Variants in TRIM2 observed in about 807,000 individuals in gnomAD.
TRIM2 encodes the protein tripartite motif containing 2.
A neutral mutation model predicts 75.2 loss-of-function variants in TRIM2; 20 were observed. The observed-to-expected ratio is 0.27, with a 90% confidence interval of 0.19 to 0.39. The LOEUF is 0.39. Among genes scored for constraint, TRIM2 ranks in the 10% least tolerant of loss-of-function variants. The pLI, the probability that TRIM2 is intolerant of heterozygous loss-of-function variation, is 1.00. For missense variants in TRIM2, 660 were observed against 990.8 expected (o/e 0.67, Z 4.48); for synonymous variants, 373 against 388.3 (o/e 0.96, Z 0.46).
At chr4:153,161,722 A>G (rs1388804238) in intron 1 of TRIM2, among the ~76,000 whole-genome samples, 1 of 152,226 alleles carries the variant, frequency 6.6e-6, no homozygotes, top group Non-Finnish European at 1.5e-5. Context: ...AGGCAGGTCC[A>G]ACAAATTTCC....
At chr4:153,301,045 G>T (rs1056090327) in intron 6 of TRIM2, among the ~76,000 whole-genome samples, 1 of 151,968 alleles carries the variant, frequency 6.6e-6, no homozygotes, top group Non-Finnish European at 1.5e-5. Context: ...ACAAAAATTA[G>T]CCAGGTGTGG....
chr4:153,166,741 A>T (rs1008708939), intron 1 of TRIM2, among the ~76,000 whole-genome samples: 1 of 152,064 alleles, frequency 6.6e-6, no homozygotes, highest in Non-Finnish European at 1.5e-5. Flanking sequence ...GGGACCATTT[A>T]GTTTCTTCTA....
chr4:153,178,381 C>T (rs1424483699), intron 1 of TRIM2, among the ~76,000 whole-genome samples: 3 of 152,074 alleles, frequency 2.0e-5, no homozygotes, highest in Non-Finnish European at 2.9e-5. Context: ...AAGGTTAATC[C>T]CTCACGTGGC....
Position 153,328,868 on chromosome 4 carries a change from G to T in TRIM2, c.2163+198G>T, listed in dbSNP as rs112208107. On this transcript the variant is annotated intron_variant, in intron 11 of 11. Transcript: ENST00000338700. ...CCAGACTGAAACCCTCTAAATTGGG[G>T]TTTTAATATGGACCCCACAGACCCC... Among the ~76,000 whole-genome samples, 287 of 152,210 alleles carry T rather than the reference G, an allele frequency of 1.9e-3. 2 individuals carry two copies. The highest frequency in any genetic ancestry group is 6.3e-3 in the African/African-American group (262 of 41,534).
intron 1 of TRIM2, among the ~76,000 whole-genome samples, chr4:153,175,007 G>GT (rs1365938837): frequency 7.9e-5 from 8 of 101,692 alleles, no homozygotes; most frequent in South Asian, 5.8e-4. Flanking sequence ...TTTTGTTTTT[G>GT]TTTTGTTTTG....
In TRIM2 at chr4:153,322,661, C is replaced by T; in HGVS notation, c.1796C>T (p.Ser599Leu). The change falls in exon 9 of 12, where the codon TCA (serine) becomes TTA (leucine). Residue 599 changes from serine (S) to leucine (L), a missense_variant. Ser to Leu is a moderately radical substitution (Grantham distance 145, BLOSUM62 -2). This residue lies in a region of TRIM2 where 620 missense variants were observed against 891.0 expected (regional missense o/e 0.70). Coordinates refer to ENST00000338700, the MANE Select transcript of TRIM2 (RefSeq NM_015271.5). The stretch of plus-strand genomic sequence containing the variant: ...TGTTTCAAACAGACAAAAATTGGAT[C>T]AGGAAAGCTGATGGGACCCAAAGGA... ...SDGKFKTKIGSGKLMGPKGVS... is the reference protein window; with the variant it reads ...SDGKFKTKIGLGKLMGPKGVS... The T allele has an allele frequency of 6.2e-7, 1 of 1,613,536 alleles. No individual in the cohort carries two copies. The highest frequency in any genetic ancestry group is 8.5e-7 in the Non-Finnish European group (1 of 1,179,644).
intron 1 of TRIM2, among the ~76,000 whole-genome samples, chr4:153,266,404 G>A (rs9995559): frequency 0.21 from 30,439 of 147,652 alleles, 3,498 homozygotes; most frequent in African/African-American, 0.31. Context: ...GTGCAGTGGC[G>A]TGATCTCGGC....
intron 1 of TRIM2, chr4:153,257,357 C>T (rs1196541058): frequency 3.5e-5 from 38 of 1,093,812 alleles, no homozygotes; most frequent in Non-Finnish European, 4.1e-5. Context: ...ATCCCATAAT[C>T]CCTTGCCTGG....
At chr4:153,329,557 T>C (rs1014227440) in intron 11 of TRIM2, among the ~76,000 whole-genome samples, 8 of 151,540 alleles carry the variant, frequency 5.3e-5, no homozygotes, top group African/African-American at 1.9e-4. Context: ...AATTAAAGGC[T>C]GGGCGCTGTG....
At chr4:153,165,860 G>T (rs1013309196) in intron 1 of TRIM2, among the ~76,000 whole-genome samples, 3 of 152,056 alleles carry the variant, frequency 2.0e-5, no homozygotes, top group African/African-American at 4.8e-5. Flanking sequence ...GATTTGAGGG[G>T]TTTTTCTATT....
chr4:153,157,021 AATG>A (rs1729296368), intron 1 of TRIM2: 1 of 152,116 alleles, frequency 6.6e-6, no homozygotes, highest in African/African-American at 2.4e-5. Flanking sequence ...CTTCTTTCCC[AATG>A]ATGAGGCACT....
chr4:153,238,156 G>A (rs150736295), intron 1 of TRIM2, among the ~76,000 whole-genome samples: 34 of 152,314 alleles, frequency 2.2e-4, no homozygotes, highest in Non-Finnish European at 4.3e-4. Context: ...GTAAGGGTGA[G>A]CTTGAAGGTG....
At position 153,217,580 on chromosome 4, in the gene TRIM2, G is replaced by C. The variant is rs145564493; in HGVS notation, c.30+13020G>C. Among the ~76,000 whole-genome samples, 218 of 152,298 alleles carry C rather than the reference G, an allele frequency of 1.4e-3. 3 individuals are homozygous for C. The South Asian group carries it at 0.015, about 10-fold the overall frequency. On this transcript the variant is annotated intron_variant, in intron 1 of 11. Coordinates refer to ENST00000338700, the MANE Select transcript of TRIM2 (RefSeq NM_015271.5). ...AAGAGAGTCATAGTGACTCAGTGAT[G>C]CTTGACAATCTGAACATACTGCCTC...
intron 3 of TRIM2, among the ~76,000 whole-genome samples, chr4:153,282,896 C>T (rs954914122): frequency 1.3e-5 from 2 of 152,054 alleles, no homozygotes; most frequent in East Asian, 3.9e-4. Context: ...TCAAGTGATC[C>T]TCCCACTTCA....
At chr4:153,240,348 G>A (rs1746231035) in intron 1 of TRIM2, among the ~76,000 whole-genome samples, 1 of 152,178 alleles carries the variant, frequency 6.6e-6, no homozygotes, top group Non-Finnish European at 1.5e-5. Context: ...ATCTTATTTG[G>A]TAGTGTTTTC....
intron 1 of TRIM2, among the ~76,000 whole-genome samples, chr4:153,235,985 T>C (rs1744929493): frequency 6.6e-6 from 1 of 152,048 alleles, no homozygotes; most frequent in African/African-American, 2.4e-5. Flanking sequence ...GTGGGAGGGA[T>C]CCGGTGGGGA....
At chr4:153,318,090 G>A (rs1768092684) in intron 8 of TRIM2, among the ~76,000 whole-genome samples, 1 of 152,200 alleles carries the variant, frequency 6.6e-6, no homozygotes, top group Non-Finnish European at 1.5e-5. Context: ...TCCAAAAAAT[G>A]AAGTCTTGTT....
intron 1 of TRIM2, among the ~76,000 whole-genome samples, chr4:153,244,176 T>TC (rs1747607108): frequency 7.1e-6 from 1 of 141,670 alleles, no homozygotes; most frequent in African/African-American, 2.9e-5. Context: ...TTCTTCTTCT[T>TC]CTTCTCCTCC....
At chr4:153,222,030 GAA>G (rs1740593048) in intron 1 of TRIM2, among the ~76,000 whole-genome samples, 1 of 131,484 alleles carries the variant, frequency 7.6e-6, no homozygotes, top group Admixed American at 7.8e-5. Context: ...AGCAAGGAAG[GAA>G]GGAAAGAGCG....
Sources: allele counts gnomAD v4.1 joint callset (sites outside exome capture counted in the v4.1 genomes callset), GRCh38; gene constraint gnomAD v4.1.1; regional missense constraint gnomAD v4.1.1; transcripts MANE v1.5; gene names NCBI Gene and HGNC (gene_info 2026-07-23, HGNC 2026-07-21).